TRIM44: variants seen among roughly 807,000 people sequenced by gnomAD.
The protein encoded by TRIM44 is tripartite motif containing 44.
TRIM44 carries 13 observed loss-of-function variants against 37.4 expected under a neutral mutation model. That is an observed-to-expected ratio of 0.35 (90% CI 0.23 to 0.55). The LOEUF (loss-of-function observed/expected upper bound fraction) is 0.55. Among genes scored for constraint, TRIM44 ranks in the 20% least tolerant of loss-of-function variants. The probability of loss-of-function intolerance (pLI) is 0.89; values close to 1 mark genes in which losing one functional copy is unlikely to be tolerated. For missense variants in TRIM44, 426 were observed against 437.2 expected, an observed-to-expected ratio of 0.97 and a Z score of 0.23; for synonymous variants, 175 against 157.2, an observed-to-expected ratio of 1.11 and a Z score of -0.85.
chr11:35,792,475 C>T (rs530651922), intron 4 of TRIM44, among the ~76,000 whole-genome samples: 1 of 152,296 alleles, frequency 6.6e-6, no homozygotes, highest in East Asian at 1.9e-4. Flanking sequence ...TATACTACCT[C>T]CTGTAGGAAT....
chr11:35,783,575 A>G (rs1251292897), intron 4 of TRIM44, among the ~76,000 whole-genome samples: 1 of 152,230 alleles, frequency 6.6e-6, no homozygotes, highest in African/African-American at 2.4e-5. Flanking sequence ...TCAGTGCTTC[A>G]TTCTAATTTA....
chr11:35,794,593 T>C (rs982976356), intron 4 of TRIM44, among the ~76,000 whole-genome samples: 2 of 152,214 alleles, frequency 1.3e-5, no homozygotes, highest in Non-Finnish European at 2.9e-5. Flanking sequence ...AGCATTTTAA[T>C]TCAGTCTAGA....
intron 2 of TRIM44, among the ~76,000 whole-genome samples, chr11:35,714,347 T>C (rs1272639797): frequency 3.9e-5 from 6 of 152,196 alleles, no homozygotes; most frequent in Admixed American, 3.9e-4. Context: ...ATTATTACCC[T>C]CATTTTACAA....
intron 1 of TRIM44, among the ~76,000 whole-genome samples, chr11:35,665,593 T>G (rs1347542676): frequency 7.3e-6 from 1 of 136,160 alleles, no homozygotes; most frequent in East Asian, 2.0e-4. Context: ...TCTGTTTTTT[T>G]TTTTTTTTTT....
chr11:35,758,546 T>C (rs1852679510), intron 4 of TRIM44, among the ~76,000 whole-genome samples: 1 of 152,228 alleles, frequency 6.6e-6, no homozygotes. Context: ...GTCTTTATGA[T>C]GTTAGCTGGT....
intron 2 of TRIM44, among the ~76,000 whole-genome samples, chr11:35,699,386 T>C (rs547005423): frequency 1.3e-5 from 2 of 152,272 alleles, no homozygotes; most frequent in African/African-American, 4.8e-5. Flanking sequence ...GAAAAGACCT[T>C]TGACAAAATT....
chr11:35,793,768 G>T (rs949899649), intron 4 of TRIM44, among the ~76,000 whole-genome samples: 13 of 152,206 alleles, frequency 8.5e-5, no homozygotes, highest in African/African-American at 3.1e-4. Flanking sequence ...ATTGCCCGGG[G>T]CCAAAAACAA....
chr11:35,812,093 T>A lies in TRIM44; in HGVS notation c.*5708T>A, dbSNP rs1295780456. The A allele has an allele frequency of 6.6e-6, 1 of 152,252 alleles. No individual in the cohort carries two copies. Among genetic ancestry groups the A allele is most frequent in the African/African-American group, 2.4e-5 (1 of 41,458 alleles). The allele number at this position is 152,252 out of a possible 1,614,324, so 9.4% of individuals were successfully genotyped here. A position where few individuals can be genotyped will look rare whatever the true frequency, so the allele number is the denominator to read the frequency against. On this transcript the variant is annotated 3_prime_UTR_variant, in exon 5 of 5. Transcript: ENST00000299413. Reference sequence around the variant, plus strand: ...TTCCCTGCTTCCTGGTGCCAGTATCTCAACACCACATCCATTGCCCCAGCC... The same window carrying A: ...TTCCCTGCTTCCTGGTGCCAGTATCACAACACCACATCCATTGCCCCAGCC...
chr11:35,734,592 AC>A (rs1451969270), intron 3 of TRIM44, among the ~76,000 whole-genome samples: 11 of 152,312 alleles, frequency 7.2e-5, no homozygotes, highest in African/African-American at 2.6e-4. Flanking sequence ...TATAAAAGAT[AC>A]GCTGACACCA....
In TRIM44 at chr11:35,685,323, G is replaced by T; in HGVS notation, c.734G>T (p.Ser245Ile). The T allele has an allele frequency of 6.2e-7, 1 of 1,614,144 alleles. No individual in the cohort carries two copies. Among genetic ancestry groups the T allele is most frequent in the Non-Finnish European group, 8.5e-7 (1 of 1,179,980 alleles). Residue 245 changes from serine to isoleucine, a missense_variant, in exon 2 of 5, where the codon AGC becomes ATC. By Grantham distance (142) the Ser-to-Ile change is moderately radical. Transcript: ENST00000299413. Reference protein sequence around the residue: ...IELVERLKFKSSDPKVTRDQM... With the variant: ...IELVERLKFKISDPKVTRDQM... ...TTGGTGGAAAGGTTGAAGTTCAAGAGCTCAGACCCTAAAGTAAGTATTGTT... is the reference window on the plus strand; with the variant it reads ...TTGGTGGAAAGGTTGAAGTTCAAGATCTCAGACCCTAAAGTAAGTATTGTT...
chr11:35,696,603 C>A (rs1851701859), intron 2 of TRIM44, among the ~76,000 whole-genome samples: 1 of 151,208 alleles, frequency 6.6e-6, no homozygotes, highest in Non-Finnish European at 1.5e-5. Context: ...AATCCCAGCA[C>A]TTTGGGAGGC....
At chr11:35,798,130 C>T (rs1336790240) in intron 4 of TRIM44, among the ~76,000 whole-genome samples, 2 of 152,152 alleles carry the variant, frequency 1.3e-5, no homozygotes, top group Non-Finnish European at 2.9e-5. Flanking sequence ...AGTGGGGAGG[C>T]AGCTTCCAGG....
intron 3 of TRIM44, among the ~76,000 whole-genome samples, chr11:35,733,172 CTG>C (rs1314997799): frequency 6.6e-6 from 1 of 152,048 alleles, no homozygotes; most frequent in Non-Finnish European, 1.5e-5. Flanking sequence ...GATGGAGAAA[CTG>C]AACCTTGGAG....
chr11:35,681,411 A>G (rs1223558892), intron 1 of TRIM44, among the ~76,000 whole-genome samples: 1 of 152,172 alleles, frequency 6.6e-6, no homozygotes, highest in African/African-American at 2.4e-5. Flanking sequence ...CTATGCTTCT[A>G]CAGATTAATC....
intron 2 of TRIM44, among the ~76,000 whole-genome samples, chr11:35,715,024 G>A (rs1311626094): frequency 6.6e-6 from 1 of 152,156 alleles, no homozygotes; most frequent in South Asian, 2.1e-4. Flanking sequence ...GCCACCCTGG[G>A]GTCAGGCAAA....
At chr11:35,721,567 A>G (rs185966681) in intron 2 of TRIM44, among the ~76,000 whole-genome samples, 4 of 152,346 alleles carry the variant, frequency 2.6e-5, no homozygotes, top group Non-Finnish European at 5.9e-5. Context: ...AGAAGTAAAG[A>G]TACAAATGAC....
chr11:35,663,318 G>C lies in TRIM44; in HGVS notation c.207G>C (p.Pro69=). The change falls in exon 1 of 5, where the codon CCG becomes CCC. Residue 69 remains proline, a synonymous_variant. Transcript: ENST00000299413. ...TCCACGGCTCCCAGGCCTGGACCCCGCCAGCTGACGGAGAGGGGGCGGGGA... is the reference window on the plus strand; with the variant it reads ...TCCACGGCTCCCAGGCCTGGACCCCCCCAGCTGACGGAGAGGGGGCGGGGA... ...EYVHGSQAWT[P]PADGEGAGKE... 6.2e-7 allele frequency: 1 copy of C among 1,614,068 alleles called. No individual in the cohort carries two copies. The highest frequency in any genetic ancestry group is 1.1e-5 in the South Asian group (1 of 91,062).
chr11:35,733,437 G>C (rs1852289165), intron 3 of TRIM44, among the ~76,000 whole-genome samples: 1 of 152,110 alleles, frequency 6.6e-6, no homozygotes, highest in Non-Finnish European at 1.5e-5. Flanking sequence ...TCATAGTTAT[G>C]TAACTCATGT....
chr11:35,680,930 T>C (rs914741308), intron 1 of TRIM44, among the ~76,000 whole-genome samples: 8 of 152,034 alleles, frequency 5.3e-5, no homozygotes, highest in African/African-American at 1.9e-4. Context: ...GTTTGTTCAT[T>C]TTTTTTTGGA....
Sources: gnomAD v4.1 joint callset for allele counts (sites outside exome capture counted in the v4.1 genomes callset) on GRCh38, gnomAD v4.1.1 for gene constraint, MANE v1.5 for transcripts, NCBI Gene and HGNC (gene_info 2026-07-23, HGNC 2026-07-21) for gene names.